Variants in CATSPERE observed in about 807,000 individuals in gnomAD.
CATSPERE encodes cation channel sperm-associated auxiliary subunit epsilon.
A neutral mutation model predicts 114.1 loss-of-function variants in CATSPERE; 93 were observed. That is an observed-to-expected ratio of 0.81 (90% CI 0.69 to 0.97). The LOEUF is 0.97. CATSPERE is among the 50% of genes least tolerant of loss of function. The pLI is 0.00. For missense variants in CATSPERE, 1,058 were observed against 1,131.6 expected (o/e 0.93, Z 0.93); for synonymous variants, 341 against 384.1 (o/e 0.89, Z 1.31).
intron 6 of CATSPERE, among the ~76,000 whole-genome samples, chr1:244,493,724 A>C (rs994774408): frequency 3.3e-5 from 5 of 152,372 alleles, no homozygotes; most frequent in Admixed American, 6.5e-5. Context: ...TAATATCCAG[A>C]ATCTACAATG....
intron 1 of CATSPERE, among the ~76,000 whole-genome samples, chr1:244,454,802 T>G (rs1665979806): frequency 6.6e-6 from 1 of 152,126 alleles, no homozygotes; most frequent in Non-Finnish European, 1.5e-5. Context: ...AGTGGATAGA[T>G]GGGTGTCACA....
upstream of CATSPERE, among the ~76,000 whole-genome samples, chr1:244,458,442 C>G (rs1275626144): frequency 6.6e-6 from 1 of 152,068 alleles, no homozygotes; most frequent in East Asian, 1.9e-4. Context: ...TTGCTTTGGT[C>G]CTTTTCAAAA....
rs112566365 is a variant in CATSPERE at position 244,580,455 on chromosome 1, AT to A, written c.1951-1339del. 3.3e-3 allele frequency among the ~76,000 whole-genome samples: 507 copies of A among 152,246 alleles called. 6 individuals carry two copies. Among genetic ancestry groups the A allele is most frequent in the African/African-American group, 0.012 (481 of 41,554 alleles). On this transcript the variant is annotated intron_variant, in intron 11 of 21. Coordinates refer to ENST00000366534, the MANE Select transcript of CATSPERE (RefSeq NM_001130957.2). ...GTCACTGTAACTTCACGGACTAATT[AT>A]TGGCTAGTATGATGCTAAGCATCAT...
intron 7 of CATSPERE, among the ~76,000 whole-genome samples, chr1:244,516,062 C>G (rs1676555643): frequency 6.6e-6 from 1 of 151,572 alleles, no homozygotes; most frequent in Non-Finnish European, 1.5e-5. Context: ...GGCGTGGTGG[C>G]ACACACTTGT....
At position 244,635,494 on chromosome 1, in the gene CATSPERE, G is replaced by A; in HGVS notation, c.2654G>A (p.Cys885Tyr). The change falls in exon 21 of 22, where the codon TGT becomes TAT. Residue 885 changes from cysteine to tyrosine, a missense_variant. Physicochemically the swap from Cys to Tyr is radical, Grantham distance 194. Coordinates refer to ENST00000366534, the MANE Select transcript of CATSPERE (RefSeq NM_001130957.2). ...ATTATTTTTCTGCTTTGCAGTTTCT[G>A]TAACCTAACAGCTATGTTTGCAATA... Reference protein sequence around the residue: ...VKILDPNYSFCNLTAMFAIET... With the variant: ...VKILDPNYSFYNLTAMFAIET... 3 of 1,611,488 alleles carry A rather than the reference G, an allele frequency of 1.9e-6. No homozygotes were observed. The highest frequency in any genetic ancestry group is 2.5e-6 in the Non-Finnish European group (3 of 1,177,874).
intron 11 of CATSPERE, 132 bp from the exon 12 acceptor site, chr1:244,581,664 G>A (rs143692853): frequency 9.3e-5 from 49 of 524,380 alleles, no homozygotes; most frequent in African/African-American, 6.6e-4. Flanking sequence ...TTACTTACAC[G>A]TGATGAACAT....
intron 6 of CATSPERE, among the ~76,000 whole-genome samples, chr1:244,491,841 C>T (rs1572379291): frequency 2.6e-5 from 4 of 152,096 alleles, no homozygotes; most frequent in Admixed American, 6.5e-5. Flanking sequence ...CTAGAAAATC[C>T]AGAAGAAATG....
At chr1:244,579,116 G>A (rs1665785848) in intron 11 of CATSPERE, among the ~76,000 whole-genome samples, 1 of 152,014 alleles carries the variant, frequency 6.6e-6, no homozygotes, top group Non-Finnish European at 1.5e-5. Context: ...GCAATTTACT[G>A]GAAGGACGAA....
chr1:244,572,028 A>T (rs1664542611), intron 10 of CATSPERE, among the ~76,000 whole-genome samples: 1 of 152,198 alleles, frequency 6.6e-6, no homozygotes, highest in African/African-American at 2.4e-5. Flanking sequence ...AGAATTCCTA[A>T]TAGCTCTATT....
chr1:244,497,728 T>C (rs1414673967), intron 6 of CATSPERE, among the ~76,000 whole-genome samples: 3 of 151,900 alleles, frequency 2.0e-5, no homozygotes, highest in Admixed American at 2.0e-4. Context: ...ACCCAGGAGG[T>C]GGAGGTTGCA....
At chr1:244,581,753 C>G in intron 11 of CATSPERE, 43 bp from the exon 12 acceptor site, 1 of 912,756 alleles carries the variant, frequency 1.1e-6, no homozygotes, top group Non-Finnish European at 1.7e-6. Flanking sequence ...TCACCACCCC[C>G]AATTTCCCTG....
At chr1:244,472,387 T>G (rs1668631668) in intron 2 of CATSPERE, among the ~76,000 whole-genome samples, 1 of 152,230 alleles carries the variant, frequency 6.6e-6, no homozygotes. Context: ...AGAGTCACAA[T>G]TCCTGCTTTT....
At chr1:244,565,632 CCTT>C (rs1424585633) in intron 10 of CATSPERE, among the ~76,000 whole-genome samples, 6 of 151,982 alleles carry the variant, frequency 3.9e-5, no homozygotes, top group African/African-American at 1.2e-4. Flanking sequence ...GTTCTTCTCT[CCTT>C]TCTTCTTTAT....
At chr1:244,518,544 CT>C in intron 7 of CATSPERE, 47 bp from the exon 8 acceptor site, 1 of 1,137,734 alleles carries the variant, frequency 8.8e-7, no homozygotes, top group Admixed American at 1.8e-5. Flanking sequence ...CATCAAAATA[CT>C]TTAGCTATGA....
chr1:244,478,294 G>A (rs1398977559), intron 4 of CATSPERE, among the ~76,000 whole-genome samples: 1 of 152,136 alleles, frequency 6.6e-6, no homozygotes, highest in African/African-American at 2.4e-5. Flanking sequence ...ATACACCCCT[G>A]TGACAATGCT....
At chr1:244,604,870 T>C (rs6696165) in intron 17 of CATSPERE, among the ~76,000 whole-genome samples, 10,883 of 152,228 alleles carry the variant, frequency 0.071, 1,240 homozygotes, top group African/African-American at 0.24. Context: ...TTTGAACACT[T>C]ACTGAGTTTG....
rs780035288 is a variant in CATSPERE at position 244,479,725 on chromosome 1, A to G, written c.267A>G (p.Glu89=). ...IKPIVTGPDE[E]ERYLFVESSH... is the part of the protein sequence containing the mutation. The stretch of plus-strand genomic sequence containing the variant: ...TTTGCATTTTCTTTTAGGATGAAGA[A>G]GAACGCTATTTATTTGTGGAAAGTT... The change falls in exon 5 of 22, where the codon GAA becomes GAG. Residue 89 remains glutamate, a synonymous_variant. Transcript: ENST00000366534. 7 of 1,597,720 alleles carry G rather than the reference A, an allele frequency of 4.4e-6. No homozygotes were observed. The highest frequency in any genetic ancestry group is 1.3e-5 in the African/African-American group (1 of 74,384).
intron 21 of CATSPERE, among the ~76,000 whole-genome samples, chr1:244,638,224 C>T (rs1176248245): frequency 1.3e-5 from 2 of 152,200 alleles, no homozygotes; most frequent in African/African-American, 4.8e-5. Context: ...TCCATCCAGT[C>T]GGGTTTCTAT....
intron 11 of CATSPERE, among the ~76,000 whole-genome samples, chr1:244,580,829 C>T (rs1040807689): frequency 2.0e-5 from 3 of 151,982 alleles, no homozygotes; most frequent in African/African-American, 4.8e-5. Flanking sequence ...GGTGAAACCC[C>T]GTCTCTACTA....
Sources: allele counts gnomAD v4.1 joint callset (sites outside exome capture counted in the v4.1 genomes callset), GRCh38; gene constraint gnomAD v4.1.1; transcripts MANE v1.5; gene names NCBI Gene and HGNC (gene_info 2026-07-23, HGNC 2026-07-21).